Variants in HMHB1 observed in about 807,000 individuals in gnomAD.
The protein encoded by HMHB1 is minor histocompatibility protein HB-1.
Under a neutral mutation model 2.4 loss-of-function variants are expected in HMHB1, and 4 were observed. The observed-to-expected ratio is 1.65, with a 90% CI of 0.81 to 3.77. The LOEUF is 3.77. Ranked by LOEUF, HMHB1 falls within the 30% of genes most tolerant of loss-of-function variation. HMHB1 has a pLI of 0.01. For synonymous variants in HMHB1, 22 were observed against 17.6 expected, an observed-to-expected ratio of 1.25 and a Z score of -0.63; for missense variants, 57 against 44.2, an observed-to-expected ratio of 1.29 and a Z score of -0.82.
chr5:143,812,670 T>C (rs565266141), intron 1 of HMHB1, among the ~76,000 whole-genome samples: 9 of 152,214 alleles, frequency 5.9e-5, no homozygotes, highest in Non-Finnish European at 1.3e-4. Flanking sequence ...ACATTGTTCT[T>C]GCCCACCGCG....
chr5:143,817,537 G>T (rs1004108533), intron 1 of HMHB1, among the ~76,000 whole-genome samples: 1 of 152,048 alleles, frequency 6.6e-6, no homozygotes, highest in African/African-American at 2.4e-5. Flanking sequence ...TTTATTTCTG[G>T]TTCTCTATTC....
intron 1 of HMHB1, among the ~76,000 whole-genome samples, chr5:143,812,969 G>GTTTGT (rs1197857766): frequency 6.6e-6 from 1 of 151,852 alleles, no homozygotes; most frequent in Admixed American, 6.6e-5. Flanking sequence ...TTGTTTGTTT[G>GTTTGT]TTTTTTTGTC....
chr5:143,818,504 G>A (rs1267976150), intron 1 of HMHB1, among the ~76,000 whole-genome samples: 1 of 152,170 alleles, frequency 6.6e-6, no homozygotes, highest in African/African-American at 2.4e-5. Flanking sequence ...GAAGTGCTTT[G>A]CTCAAAGTTA....
intron 1 of HMHB1, among the ~76,000 whole-genome samples, chr5:143,817,071 G>T (rs964488392): frequency 6.6e-6 from 1 of 152,162 alleles, no homozygotes; most frequent in East Asian, 1.9e-4. Context: ...TTGCTGATTT[G>T]TTTGAGTTTG....
At chr5:143,814,003 T>G (rs1277270914) in intron 1 of HMHB1, among the ~76,000 whole-genome samples, 2 of 152,224 alleles carry the variant, frequency 1.3e-5, no homozygotes, top group Non-Finnish European at 2.9e-5. Flanking sequence ...TAGCTCCAAT[T>G]TCATTATTAA....
At chr5:143,815,142 C>G (rs1263440772) in intron 1 of HMHB1, among the ~76,000 whole-genome samples, 1 of 152,180 alleles carries the variant, frequency 6.6e-6, no homozygotes. Context: ...GTTCAGAGAC[C>G]TAAATTACTG....
chr5:143,812,206 C>A lies in HMHB1; in HGVS notation c.-62C>A, dbSNP rs1043656424. On this transcript the variant is annotated 5_prime_UTR_variant, in exon 1 of 2. Transcript: ENST00000289448. ...GCGGCTTGCCCCGCATCTCAGAAGCCGGGCAGGCCCTGAGCCTTCTGACCT... is the reference window on the plus strand; with the variant it reads ...GCGGCTTGCCCCGCATCTCAGAAGCAGGGCAGGCCCTGAGCCTTCTGACCT... 2.7e-6 allele frequency: 4 copies of A among 1,493,388 alleles called. No homozygotes were observed. In the Admixed American group the frequency reaches 8.3e-5, roughly 31 times the overall value. The allele number at this position is 1,493,388 out of a possible 1,614,324, so 92.5% of individuals were successfully genotyped here.
intron 1 of HMHB1, among the ~76,000 whole-genome samples, chr5:143,816,007 T>G (rs958334895): frequency 1.3e-5 from 2 of 152,240 alleles, no homozygotes; most frequent in African/African-American, 4.8e-5. Context: ...TGCCCAGCCC[T>G]CTTTTCCACT....
chr5:143,813,452 C>T (rs1034370932), intron 1 of HMHB1, among the ~76,000 whole-genome samples: 1 of 152,214 alleles, frequency 6.6e-6, no homozygotes, highest in Admixed American at 6.5e-5. Flanking sequence ...GTGTTTTAAT[C>T]ATTTCTGTAT....
intron 1 of HMHB1, 30 bp downstream of exon 1, chr5:143,812,334 G>C (rs1165279383): frequency 1.3e-6 from 2 of 1,547,948 alleles, no homozygotes; most frequent in South Asian, 1.2e-5. Context: ...GGAGAACAGA[G>C]AGAGAGGGAA....
chr5:143,820,466 A>C lies in HMHB1; in HGVS notation c.38-14A>C. 6.4e-7 allele frequency: 1 copy of C among 1,558,694 alleles called. No homozygotes were observed. The highest frequency in any genetic ancestry group is 8.8e-7 in the Non-Finnish European group (1 of 1,130,504). ...TGTAAGCTCAAGTCTCAGCTAAGCCATTCTTTTCTATAGGTTCTCTGCATG... is the reference window on the plus strand; with the variant it reads ...TGTAAGCTCAAGTCTCAGCTAAGCCCTTCTTTTCTATAGGTTCTCTGCATG... On this transcript the variant is annotated splice_polypyrimidine_tract_variant and intron_variant, in intron 1 of 1. Transcript: ENST00000289448.
intron 1 of HMHB1, among the ~76,000 whole-genome samples, chr5:143,815,421 A>T (rs1413435370): frequency 1.3e-5 from 2 of 152,062 alleles, no homozygotes; most frequent in African/African-American, 4.8e-5. Context: ...AAAGCTAACA[A>T]TGTTGCAGCT....
At chr5:143,814,224 G>T (rs528520506) in intron 1 of HMHB1, among the ~76,000 whole-genome samples, 8 of 151,862 alleles carry the variant, frequency 5.3e-5, no homozygotes, top group African/African-American at 1.9e-4. Context: ...GCCAAATATG[G>T]ATCCAAAAAA....
At chr5:143,815,781 A>G (rs1284366536) in intron 1 of HMHB1, among the ~76,000 whole-genome samples, 1 of 148,876 alleles carries the variant, frequency 6.7e-6, no homozygotes, top group Non-Finnish European at 1.5e-5. Context: ...ATCTCGGCTC[A>G]CTGCAAGCTC....
chr5:143,815,133 T>G lies in HMHB1; in HGVS notation c.37+2829T>G, dbSNP rs183082799. 5.3e-5 allele frequency among the ~76,000 whole-genome samples: 8 copies of G among 152,354 alleles called. No individual in the cohort carries two copies. In the East Asian group the frequency reaches 1.2e-3, roughly 22 times the overall value. On this transcript the variant is annotated intron_variant, in intron 1 of 1. Transcript: ENST00000289448. ...GAGAGAACTGACCTTTCTAACAAAGTTCAGAGACCTAAATTACTGAACTTT... is the reference window on the plus strand; with the variant it reads ...GAGAGAACTGACCTTTCTAACAAAGGTCAGAGACCTAAATTACTGAACTTT...
chr5:143,815,243 T>A (rs1759733998), intron 1 of HMHB1, among the ~76,000 whole-genome samples: 2 of 152,234 alleles, frequency 1.3e-5, no homozygotes, highest in Non-Finnish European at 2.9e-5. Flanking sequence ...TTCATTATCT[T>A]ACAGTTAAGA....
In HMHB1 at chr5:143,812,207, G is replaced by T; in HGVS notation, c.-61G>T. Reference sequence around the variant, plus strand: ...CGGCTTGCCCCGCATCTCAGAAGCCGGGCAGGCCCTGAGCCTTCTGACCTC... The same window carrying T: ...CGGCTTGCCCCGCATCTCAGAAGCCTGGCAGGCCCTGAGCCTTCTGACCTC... On this transcript the variant is annotated 5_prime_UTR_variant, in exon 1 of 2. Transcript: ENST00000289448. 6.6e-7 allele frequency: 1 copy of T among 1,507,292 alleles called. No individual in the cohort carries two copies. The highest frequency in any genetic ancestry group is 9.0e-7 in the Non-Finnish European group (1 of 1,110,788). 93.4% of individuals were successfully genotyped at this position (1,507,292 alleles called of 1,614,324 possible).
At position 143,819,004 on chromosome 5, in the gene HMHB1, A is replaced by G. The variant is rs571443803; in HGVS notation, c.38-1476A>G. 2.6e-5 allele frequency among the ~76,000 whole-genome samples: 4 copies of G among 152,338 alleles called. No homozygotes were observed. The East Asian group carries it at 7.7e-4, about 29-fold the overall frequency. On this transcript the variant is annotated intron_variant, in intron 1 of 1. Transcript: ENST00000289448. ...CACCTGAACTAGAAAACATAAAAACAAAAGACCATTCTTTTCTATTTCTTT... is the reference window on the plus strand; with the variant it reads ...CACCTGAACTAGAAAACATAAAAACGAAAGACCATTCTTTTCTATTTCTTT...
In HMHB1 at chr5:143,814,410, A is replaced by C. The variant is rs183413999; in HGVS notation, c.37+2106A>C. ...CATGAAATTGACAATGTCTTTCTTT[A>C]TTTGAGTTTTTGAGTTAAGGAATAA... On this transcript the variant is annotated intron_variant, in intron 1 of 1. Coordinates refer to ENST00000289448, the MANE Select transcript of HMHB1 (RefSeq NM_021182.3). Among the ~76,000 whole-genome samples the C allele has an allele frequency of 5.3e-5, 8 of 152,312 alleles. No individual in the cohort carries two copies. In the East Asian group the frequency reaches 9.6e-4, roughly 18 times the overall value.
Sources: allele counts gnomAD v4.1 joint callset (sites outside exome capture counted in the v4.1 genomes callset), GRCh38; gene constraint gnomAD v4.1.1; transcripts MANE v1.5; gene names NCBI Gene and HGNC (gene_info 2026-07-23, HGNC 2026-07-21).